The following VCL variants were observed in gnomAD, a reference collection of about 807,000 sequenced individuals.
The protein encoded by VCL is epididymis luminal protein 114.
VCL carries 47 observed loss-of-function variants against 125.7 expected under a neutral mutation model. That is an observed-to-expected ratio of 0.37 (90% CI 0.30 to 0.48). The LOEUF is 0.48. Among genes scored for constraint, VCL ranks in the 20% least tolerant of loss-of-function variants. The probability of loss-of-function intolerance (pLI) is 0.99; values close to 1 mark genes in which losing one functional copy is unlikely to be tolerated. For missense variants in VCL, 1,069 were observed against 1,455.5 expected, an observed-to-expected ratio of 0.73 and a Z score of 4.32; for synonymous variants, 458 against 514.6, an observed-to-expected ratio of 0.89 and a Z score of 1.49.
intron 2 of VCL, among the ~76,000 whole-genome samples, chr10:74,054,796 C>T (rs1211577457): frequency 2.6e-5 from 4 of 152,022 alleles, no homozygotes; most frequent in African/African-American, 9.7e-5. Flanking sequence ...TGCTGCACAC[C>T]TGTAGGCCCA....
chr10:74,002,387 A>T (rs911797486), intron 1 of VCL, among the ~76,000 whole-genome samples: 38 of 150,498 alleles, frequency 2.5e-4, no homozygotes, highest in African/African-American at 9.3e-4. Context: ...GGCCTCCCAA[A>T]GTGCTGGGAT....
intron 1 of VCL, among the ~76,000 whole-genome samples, chr10:74,032,529 C>T (rs1479107334): frequency 2.6e-5 from 4 of 151,510 alleles, no homozygotes. Context: ...GAAACCCTGT[C>T]TCTACCAAAA....
At chr10:74,024,338 C>T (rs1840730359) in intron 1 of VCL, among the ~76,000 whole-genome samples, 1 of 152,162 alleles carries the variant, frequency 6.6e-6, no homozygotes, top group African/African-American at 2.4e-5. Flanking sequence ...CGGCTGGGCG[C>T]AGTGGCTCAT....
chr10:74,004,444 C>T (rs1266977092), intron 1 of VCL, among the ~76,000 whole-genome samples: 3 of 152,126 alleles, frequency 2.0e-5, no homozygotes, highest in African/African-American at 4.8e-5. Context: ...GTCTGTTGTT[C>T]CAGATCCTCT....
chr10:74,087,049 G>T (rs1319956510), intron 8 of VCL, among the ~76,000 whole-genome samples: 1 of 151,962 alleles, frequency 6.6e-6, no homozygotes, highest in African/African-American at 2.4e-5. Context: ...CAGCCTCAGA[G>T]AAGTTATTAT....
intron 10 of VCL, among the ~76,000 whole-genome samples, chr10:74,090,608 G>T (rs1839865116): frequency 6.6e-6 from 1 of 152,070 alleles, no homozygotes; most frequent in Non-Finnish European, 1.5e-5. Flanking sequence ...AGGGGAAGAA[G>T]CGTAAGAATG....
chr10:74,053,602 C>T (rs1294238008), intron 2 of VCL, among the ~76,000 whole-genome samples: 1 of 151,546 alleles, frequency 6.6e-6, no homozygotes, highest in Non-Finnish European at 1.5e-5. Context: ...TCTTTATGTT[C>T]AATCTTTCTT....
At chr10:74,055,390 G>A (rs766279044) in intron 2 of VCL, among the ~76,000 whole-genome samples, 12 of 151,726 alleles carry the variant, frequency 7.9e-5, no homozygotes, top group Non-Finnish European at 1.6e-4. Flanking sequence ...TGTCACCTAG[G>A]CTGGAATGTA....
At position 74,102,271 on chromosome 10, in the gene VCL, CTTTCT is replaced by C. The variant is rs1013849594; in HGVS notation, c.2022+1178_2022+1182del. On this transcript the variant is annotated intron_variant, in intron 14 of 21. Coordinates refer to ENST00000211998, the MANE Select transcript of VCL (RefSeq NM_014000.3). ...TTTTTAAATTGATCTGTTTCTATAA[CTTTCT>C]TTTTTCTACTTATTGTGTAACAAGG... 1.1e-3 allele frequency among the ~76,000 whole-genome samples: 151 copies of C among 141,644 alleles called. 1 individual carries two copies. The highest frequency in any genetic ancestry group is 3.8e-3 in the African/African-American group (145 of 38,198). 92.9% of individuals were successfully genotyped at this position (141,644 alleles called of 152,430 possible).
rs148966602 is a variant in VCL, at chr10:74,070,808, C to T, written c.378C>T (p.Phe126=). 1.4e-4 allele frequency: 234 copies of T among 1,613,844 alleles called. No individual in the cohort carries two copies. The highest frequency in any genetic ancestry group is 2.2e-4 in the South Asian group (20 of 91,082). The change falls in exon 3 of 22, where the codon TTC becomes TTT. Residue 126 remains phenylalanine, a synonymous_variant. Coordinates refer to ENST00000211998, the MANE Select transcript of VCL (RefSeq NM_014000.3). The part of the protein sequence containing the change: ...LSGTSDLLLT[F]DEAEVRKIIR... ...GAACATCAGACCTGCTCCTTACCTTCGATGAGGCTGAGGTAGGCAATCTGA... is the reference window on the plus strand; with the variant it reads ...GAACATCAGACCTGCTCCTTACCTTTGATGAGGCTGAGGTAGGCAATCTGA...
In VCL at chr10:74,119,917, TC is replaced by T. The variant is rs1840382638; in HGVS notation, c.*1751del. On this transcript the variant is annotated 3_prime_UTR_variant, in exon 22 of 22. Coordinates refer to ENST00000211998, the MANE Select transcript of VCL (RefSeq NM_014000.3). ...GAAATAAGAAAAATCATGTTTGCTC[TC>T]CCGGTTCTTCCAGTGGTTTGAGACA... 6.6e-6 allele frequency: 1 copy of T among 152,066 alleles called. No homozygotes were observed. Among genetic ancestry groups the T allele is most frequent in the African/African-American group, 2.4e-5 (1 of 41,288 alleles). 9.4% of individuals were successfully genotyped at this position (152,066 alleles called of 1,614,324 possible).
At chr10:74,018,647 T>C (rs912884820) in intron 1 of VCL, among the ~76,000 whole-genome samples, 4 of 152,180 alleles carry the variant, frequency 2.6e-5, no homozygotes, top group African/African-American at 9.7e-5. Context: ...AGGTGGATTG[T>C]GTCCCTTGTG....
chr10:74,101,657 G>A (rs1203580367), intron 14 of VCL, among the ~76,000 whole-genome samples: 2 of 143,964 alleles, frequency 1.4e-5, no homozygotes, highest in East Asian at 2.1e-4. Flanking sequence ...CCGGGTTCAC[G>A]CCATTCTCCT....
chr10:74,012,722 T>G (rs1840458119), intron 1 of VCL, among the ~76,000 whole-genome samples: 1 of 152,134 alleles, frequency 6.6e-6, no homozygotes, highest in African/African-American at 2.4e-5. Flanking sequence ...CCTCAGCTGC[T>G]TTCTGCTTGT....
rs773050457 is a variant in VCL at position 74,111,996 on chromosome 10, A to G, written c.2833A>G (p.Met945Val). ...DAAGFPVPPD[M>V]EDDYEPELLL... is the part of the protein sequence containing the mutation. ...TGCTGGCTTCCCTGTCCCCCCTGAC[A>G]TGGAAGACGATTACGAACCTGAGCT... The change falls in exon 19 of 22, where the codon ATG (methionine) becomes GTG (valine). Residue 945 changes from methionine (M) to valine (V), a missense_variant. Transcript: ENST00000211998. 2.5e-6 allele frequency: 4 copies of G among 1,614,190 alleles called. No homozygotes were observed. The highest frequency in any genetic ancestry group is 2.5e-6 in the Non-Finnish European group (3 of 1,180,024).
chr10:74,074,695 C>T (rs1839554260), intron 5 of VCL, 48 bp from the exon 6 acceptor site: 1 of 1,595,100 alleles, frequency 6.3e-7, no homozygotes, highest in African/African-American at 1.4e-5. Context: ...TATTGTTATA[C>T]AACAAGATTA....
chr10:74,102,249 TTA>T (rs1840070596), intron 14 of VCL, among the ~76,000 whole-genome samples: 1 of 151,896 alleles, frequency 6.6e-6, no homozygotes, highest in Non-Finnish European at 1.5e-5. Flanking sequence ...TTTTTTTTTT[TTA>T]AATTGATCTG....
At chr10:74,052,374 G>GTTTTTT (rs141633935) in intron 2 of VCL, among the ~76,000 whole-genome samples, 4 of 113,024 alleles carry the variant, frequency 3.5e-5, no homozygotes, top group African/African-American at 6.4e-5. Flanking sequence ...TCTTCAGTTA[G>GTTTTTT]TTTTTTTTTT....
At position 74,097,041 on chromosome 10, in the gene VCL, A is replaced by C. The variant is rs1394653356; in HGVS notation, c.1744-163A>C. 6.6e-6 allele frequency among the ~76,000 whole-genome samples: 1 copy of C among 152,252 alleles called. No homozygotes were observed. Among genetic ancestry groups the C allele is most frequent in the Non-Finnish European group, 1.5e-5 (1 of 68,038 alleles). The stretch of plus-strand genomic sequence containing the variant: ...AATGTCTTACAGGGCAGGATTCATA[A>C]ATTACACCTGTTCTGTGCTAGCTCA... On this transcript the variant is annotated intron_variant, in intron 12 of 21. Transcript: ENST00000211998. The surrounding 1 kb of genome is among the most constrained non-coding windows in gnomAD (Gnocchi z 4.1).
Sources: gnomAD v4.1 joint callset for allele counts (sites outside exome capture counted in the v4.1 genomes callset) on GRCh38, gnomAD v4.1.1 for gene constraint, Gnocchi (gnomAD v3.1) non-coding constraint, MANE v1.5 for transcripts, NCBI Gene and HGNC (gene_info 2026-07-23, HGNC 2026-07-21) for gene names.